XPO4: variants seen among roughly 807,000 people sequenced by gnomAD.
The protein encoded by XPO4 is exportin-4.
A neutral mutation model predicts 143.0 loss-of-function variants in XPO4; 39 were observed. That is an observed-to-expected ratio of 0.27 (90% CI 0.21 to 0.36). The LOEUF is 0.36. XPO4 is among the 10% of genes least tolerant of loss of function. The pLI is 1.00. For missense variants in XPO4, 907 were observed against 1,348.0 expected (o/e 0.67, Z 5.12); for synonymous variants, 439 against 474.0 (o/e 0.93, Z 0.96).
At chr13:20,849,887 C>T (rs1442881550) in intron 4 of XPO4, 1 of 851,976 alleles carries the variant, frequency 1.2e-6, no homozygotes, top group African/African-American at 1.8e-5. Flanking sequence ...GGGCAGATCA[C>T]TTGAGGTCAG....
At chr13:20,839,898 G>A (rs1489856369) in intron 6 of XPO4, among the ~76,000 whole-genome samples, 2 of 152,020 alleles carry the variant, frequency 1.3e-5, no homozygotes, top group African/African-American at 2.4e-5. Context: ...CATGAGAATC[G>A]CTTGAACCCA....
At chr13:20,899,878 G>A (rs1161983411) in intron 1 of XPO4, among the ~76,000 whole-genome samples, 1 of 152,158 alleles carries the variant, frequency 6.6e-6, no homozygotes, top group Non-Finnish European at 1.5e-5. Flanking sequence ...TTTAAAATAT[G>A]TAGCTTAATG....
intron 16 of XPO4, among the ~76,000 whole-genome samples, chr13:20,798,041 G>A (rs1395158021): frequency 6.6e-6 from 1 of 152,148 alleles, no homozygotes; most frequent in African/African-American, 2.4e-5. Context: ...CTACTTAGGA[G>A]GCTGAGACAG....
chr13:20,888,682 T>C (rs1294914380), intron 1 of XPO4, among the ~76,000 whole-genome samples: 3 of 152,060 alleles, frequency 2.0e-5, no homozygotes, highest in Non-Finnish European at 4.4e-5. Context: ...AAAGGTTTCA[T>C]TGAATACTGT....
At chr13:20,853,391 C>G (rs1028193240) in intron 4 of XPO4, among the ~76,000 whole-genome samples, 1 of 151,158 alleles carries the variant, frequency 6.6e-6, no homozygotes, top group Admixed American at 6.6e-5. Context: ...TACCTTAATC[C>G]CAGCTACTCG....
chr13:20,793,518 A>C (rs2059312923), intron 18 of XPO4, among the ~76,000 whole-genome samples: 1 of 152,182 alleles, frequency 6.6e-6, no homozygotes, highest in Non-Finnish European at 1.5e-5. Flanking sequence ...GATTGTCTTC[A>C]AACACCTTAA....
chr13:20,786,918 G>A (rs983448011), intron 22 of XPO4, 47 bp downstream of exon 22: 11 of 1,477,478 alleles, frequency 7.4e-6, no homozygotes, highest in Non-Finnish European at 1.0e-5. Context: ...CAATCTCTTT[G>A]CAAAATAGAA....
intron 4 of XPO4, 134 bp downstream of exon 4, chr13:20,855,493 G>A: frequency 1.1e-6 from 1 of 913,940 alleles, no homozygotes; most frequent in Non-Finnish European, 1.5e-6. Context: ...AAGAAAACCT[G>A]AACAAATGAA....
chr13:20,881,271 A>T (rs1413806566), intron 1 of XPO4, among the ~76,000 whole-genome samples: 4 of 151,998 alleles, frequency 2.6e-5, no homozygotes, highest in African/African-American at 9.7e-5. Flanking sequence ...GAATTTTACA[A>T]TAATTTTTTT....
chr13:20,859,877 T>C lies in XPO4; in HGVS notation c.317+2840A>G, dbSNP rs767570142. ...CCAGACACATATACATAATGAAAATTTGCTACACATTTAAGTCTACCAAGG... is the reference window on the plus strand; with the variant it reads ...CCAGACACATATACATAATGAAAATCTGCTACACATTTAAGTCTACCAAGG... On this transcript the variant is annotated intron_variant, in intron 3 of 22. Transcript: ENST00000255305. 9.3e-5 allele frequency: 91 copies of C among 981,788 alleles called. No individual in the cohort carries two copies. The African/African-American group carries it at 1.1e-3, about 12-fold the overall frequency. 60.8% of individuals were successfully genotyped at this position (981,788 alleles called of 1,614,324 possible).
chr13:20,851,724 AAAAAAAGAAAG>A, intron 4 of XPO4: 1 of 939,920 alleles, frequency 1.1e-6, no homozygotes, highest in Non-Finnish European at 1.3e-6. Context: ...AAAAAAAAAA[AAAAAAAGAAAG>A]AAAGAAAGAA....
Position 20,781,685 on chromosome 13 carries a change from T to C in XPO4, c.*2037A>G, listed in dbSNP as rs2059145661. On this transcript the variant is annotated 3_prime_UTR_variant, in exon 23 of 23. Transcript: ENST00000255305. ...CTCCTCTTTAGTTTTAATAACTTGA[T>C]TATAGTTTTGTCATGGCGCGTGGAC... 1 of 152,206 alleles carries C rather than the reference T, an allele frequency of 6.6e-6. No homozygotes were observed. The highest frequency in any genetic ancestry group is 1.5e-5 in the Non-Finnish European group (1 of 68,040). The allele number at this position is 152,206 out of a possible 1,614,324, so 9.4% of individuals were successfully genotyped here.
At chr13:20,884,556 C>T (rs1252731211) in intron 1 of XPO4, among the ~76,000 whole-genome samples, 1 of 151,936 alleles carries the variant, frequency 6.6e-6, no homozygotes, top group African/African-American at 2.4e-5. Context: ...ACCACAGGCA[C>T]ATGACACCAC....
chr13:20,794,402 G>C (rs1440512994), intron 18 of XPO4, among the ~76,000 whole-genome samples: 1 of 152,160 alleles, frequency 6.6e-6, no homozygotes, highest in Non-Finnish European at 1.5e-5. Flanking sequence ...ATGATACACA[G>C]AGTAATCATG....
intron 6 of XPO4, among the ~76,000 whole-genome samples, chr13:20,839,254 A>G (rs996273260): frequency 5.3e-5 from 8 of 152,124 alleles, no homozygotes; most frequent in African/African-American, 1.7e-4. Flanking sequence ...ACAGAGTGAA[A>G]CTCCGTCTCA....
chr13:20,852,089 G>T (rs2060095380), intron 4 of XPO4: 1 of 985,288 alleles, frequency 1.0e-6, no homozygotes, highest in Admixed American at 6.1e-5. Context: ...TACTTGTAGG[G>T]GGTGAGGGCA....
intron 18 of XPO4, among the ~76,000 whole-genome samples, chr13:20,794,148 G>T (rs181399796): frequency 6.6e-6 from 1 of 152,086 alleles, no homozygotes; most frequent in Non-Finnish European, 1.5e-5. Context: ...GCTGCCCAGC[G>T]CTGGGATCTA....
chr13:20,828,157 A>G (rs546849278), intron 6 of XPO4, among the ~76,000 whole-genome samples: 2 of 152,234 alleles, frequency 1.3e-5, no homozygotes, highest in Admixed American at 6.5e-5. Flanking sequence ...GAGTCGCTTG[A>G]AAACACTCTC....
chr13:20,782,904 C>T lies in XPO4; in HGVS notation c.*818G>A, dbSNP rs2059157596. ...ATACATGTATTTTCCTCCTCAAGTT[C>T]AGGCATCAGAGTATGATTAGTGACT... is the stretch of plus-strand genomic sequence containing the variant. On this transcript the variant is annotated 3_prime_UTR_variant, in exon 23 of 23. Transcript: ENST00000255305. The T allele has an allele frequency of 6.6e-6, 1 of 152,544 alleles. No individual in the cohort carries two copies. The highest frequency in any genetic ancestry group is 6.5e-5 in the Admixed American group (1 of 15,276). 9.4% of individuals were successfully genotyped at this position (152,544 alleles called of 1,614,324 possible). A position where few individuals can be genotyped will look rare whatever the true frequency, so the allele number is the denominator to read the frequency against.
Sources: gnomAD v4.1 joint callset for allele counts (sites outside exome capture counted in the v4.1 genomes callset) on GRCh38, gnomAD v4.1.1 for gene constraint, MANE v1.5 for transcripts, NCBI Gene and HGNC (gene_info 2026-07-23, HGNC 2026-07-21) for gene names.